Variants in GOLM2 observed in about 807,000 individuals in gnomAD.
GOLM2 encodes the protein protein GOLM2.
In GOLM2, 26 loss-of-function variants were observed where a neutral mutation model predicts 55.9. The ratio of observed to expected loss-of-function variants is 0.47; its 90% confidence interval spans 0.34 to 0.65. The LOEUF (loss-of-function observed/expected upper bound fraction) is 0.65. Ranked by LOEUF, GOLM2 falls within the 30% of genes least tolerant of loss-of-function variation. The pLI, the probability that GOLM2 is intolerant of heterozygous loss-of-function variation, is 0.01. For synonymous variants in GOLM2, 165 were observed against 194.6 expected, an observed-to-expected ratio of 0.85 and a Z score of 1.27; for missense variants, 486 against 531.8, an observed-to-expected ratio of 0.91 and a Z score of 0.85.
At chr15:44,341,736 G>A (rs985667096) in intron 6 of GOLM2, among the ~76,000 whole-genome samples, 2 of 128,806 alleles carry the variant, frequency 1.6e-5, no homozygotes, top group African/African-American at 6.0e-5. Context: ...TCACTCTGTC[G>A]TCCAGCCTGG....
intron 1 of GOLM2, among the ~76,000 whole-genome samples, chr15:44,303,799 G>A (rs1230596368): frequency 6.8e-6 from 1 of 146,946 alleles, no homozygotes; most frequent in Non-Finnish European, 1.5e-5. Context: ...GCAGTGGTGT[G>A]ATCTCAGCTC....
At position 44,359,574 on chromosome 15, in the gene GOLM2, C is replaced by T. The variant is rs373947417; in HGVS notation, c.803-20116C>T. Among the ~76,000 whole-genome samples, 375 of 152,178 alleles carry T rather than the reference C, an allele frequency of 2.5e-3. 3 individuals are homozygous for T. Among genetic ancestry groups the T allele is most frequent in the African/African-American group, 7.2e-3 (298 of 41,506 alleles). On this transcript the variant is annotated intron_variant, in intron 6 of 9. Coordinates refer to ENST00000299957, the MANE Select transcript of GOLM2 (RefSeq NM_138423.4). ...CTGCACTCCAGCCTGGGCAACAGAG[C>T]GAGACTCCGTCTCAAAAACAAACAA...
In GOLM2 at chr15:44,289,170, C is replaced by G; in HGVS notation, c.141C>G (p.Ala47=). 1.9e-6 allele frequency: 3 copies of G among 1,614,140 alleles called. No homozygotes were observed. In the African/African-American group the frequency reaches 4.0e-5, roughly 22 times the overall value. The part of the protein sequence containing the change: ...SRHVLLQEEV[A]ELQGQVQRTE... ...ACGTCCTGCTTCAGGAGGAGGTGGCCGAGCTGCAGGGCCAGGTCCAGCGCA... is the reference window on the plus strand; with the variant it reads ...ACGTCCTGCTTCAGGAGGAGGTGGCGGAGCTGCAGGGCCAGGTCCAGCGCA... Residue 47 remains alanine (A), a synonymous_variant, in exon 1 of 10, where the codon GCC becomes GCG. Coordinates refer to ENST00000299957, the MANE Select transcript of GOLM2 (RefSeq NM_138423.4). The surrounding 1 kb of genome is among the most constrained non-coding windows in gnomAD (Gnocchi z 4.8).
chr15:44,343,983 G>T (rs943018946), intron 6 of GOLM2, among the ~76,000 whole-genome samples: 2 of 151,834 alleles, frequency 1.3e-5, no homozygotes, highest in African/African-American at 4.8e-5. Context: ...GGGCACAGTG[G>T]CTCACGTCTG....
intron 6 of GOLM2, among the ~76,000 whole-genome samples, chr15:44,362,343 G>C: frequency 6.6e-6 from 1 of 151,972 alleles, no homozygotes; most frequent in African/African-American, 2.4e-5. Context: ...AACTTCAGCA[G>C]TCTCAGGATA....
At chr15:44,302,928 C>A (rs1326167946) in intron 1 of GOLM2, among the ~76,000 whole-genome samples, 2 of 152,046 alleles carry the variant, frequency 1.3e-5, no homozygotes, top group Non-Finnish European at 2.9e-5. Flanking sequence ...CATGGTGAAA[C>A]CCCGTCTCTA....
At chr15:44,408,954 C>T (rs2079616155) in intron 9 of GOLM2, among the ~76,000 whole-genome samples, 2 of 151,366 alleles carry the variant, frequency 1.3e-5, no homozygotes, top group South Asian at 4.2e-4. Context: ...CAGAGCGAGA[C>T]TACGTCTCAA....
intron 4 of GOLM2, 73 bp downstream of exon 4, chr15:44,332,151 A>ATC: frequency 1.2e-6 from 1 of 836,478 alleles, no homozygotes; most frequent in Non-Finnish European, 1.8e-6. Flanking sequence ...TTAAAATTAT[A>ATC]ATTTTGTCAC....
Position 44,289,861 on chromosome 15 carries a change from A to G in GOLM2, c.327+505A>G, listed in dbSNP as rs1360964678. 6.6e-6 allele frequency among the ~76,000 whole-genome samples: 1 copy of G among 152,220 alleles called. No individual in the cohort carries two copies. Among genetic ancestry groups the G allele is most frequent in the Non-Finnish European group, 1.5e-5 (1 of 68,040 alleles). Reference sequence around the variant, plus strand: ...AAAATCTCTATAGGGTGATGTATTGAATAACTAAATAATCAGCTATGACTG... The same window carrying G: ...AAAATCTCTATAGGGTGATGTATTGGATAACTAAATAATCAGCTATGACTG... On this transcript the variant is annotated intron_variant, in intron 1 of 9. Coordinates refer to ENST00000299957, the MANE Select transcript of GOLM2 (RefSeq NM_138423.4). This position sits in a 1 kb window ranked among gnomAD's most constrained non-coding sequence, Gnocchi z 4.8.
intron 6 of GOLM2, among the ~76,000 whole-genome samples, chr15:44,343,702 G>A (rs1026869649): frequency 8.6e-5 from 13 of 151,708 alleles, no homozygotes; most frequent in African/African-American, 3.2e-4. Context: ...GCACACACCT[G>A]TAATTCCAGC....
intron 6 of GOLM2, among the ~76,000 whole-genome samples, chr15:44,354,151 A>T (rs1185879577): frequency 6.6e-6 from 1 of 152,120 alleles, no homozygotes; most frequent in Non-Finnish European, 1.5e-5. Context: ...TGTAATTGAC[A>T]TCTATTAACC....
chr15:44,291,045 C>T (rs1335954743), intron 1 of GOLM2, among the ~76,000 whole-genome samples: 2 of 150,726 alleles, frequency 1.3e-5, no homozygotes, highest in Admixed American at 1.3e-4. Flanking sequence ...TCAGGTGATC[C>T]GCCCGCCTCA....
At chr15:44,348,837 G>A in intron 6 of GOLM2, 1 of 155,502 alleles carries the variant, frequency 6.4e-6, no homozygotes, top group Non-Finnish European at 1.4e-5. Context: ...GGAGATTGAG[G>A]CTGCAGTGAG....
intron 5 of GOLM2, 33 bp from the exon 6 acceptor site, chr15:44,338,204 C>T (rs767414900): frequency 7.0e-6 from 11 of 1,570,536 alleles, no homozygotes; most frequent in East Asian, 2.2e-5. Flanking sequence ...GTAAGAAAAA[C>T]GATAGAATTC....
rs1036918475 is a variant in GOLM2, at chr15:44,288,928, C to A, written c.-102C>A. 25 of 1,126,148 alleles carry A rather than the reference C, an allele frequency of 2.2e-5. No homozygotes were observed. Among genetic ancestry groups the A allele is most frequent in the Non-Finnish European group, 2.6e-5 (21 of 801,672 alleles). 69.8% of individuals were successfully genotyped at this position (1,126,148 alleles called of 1,614,324 possible). ...CGGTAAGCCCGCCTCCTCCCTCGGCCGGCCCTGGGGCCGTGTCCGCCGGGC... is the reference window on the plus strand; with the variant it reads ...CGGTAAGCCCGCCTCCTCCCTCGGCAGGCCCTGGGGCCGTGTCCGCCGGGC... On this transcript the variant is annotated 5_prime_UTR_variant, in exon 1 of 10. Transcript: ENST00000299957.
At chr15:44,338,157 C>T in intron 5 of GOLM2, 80 bp from the exon 6 acceptor site, 1 of 1,360,254 alleles carries the variant, frequency 7.4e-7, no homozygotes, top group Non-Finnish European at 1.0e-6. Flanking sequence ...CTTTTAGAAA[C>T]TGATTGTTAC....
In GOLM2 at chr15:44,413,561, T is replaced by C; in HGVS notation, c.*155T>C. The C allele has an allele frequency of 1.8e-6, 1 of 546,424 alleles. No individual in the cohort carries two copies. The highest frequency in any genetic ancestry group is 3.3e-6 in the Non-Finnish European group (1 of 306,264). 33.8% of individuals were successfully genotyped at this position (546,424 alleles called of 1,614,324 possible). A position where few individuals can be genotyped will look rare whatever the true frequency, so the allele number is the denominator to read the frequency against. On this transcript the variant is annotated 3_prime_UTR_variant, in exon 10 of 10. Transcript: ENST00000299957. ...AAACTTTAATGAAGGAATGTACCCATGTACATATGTGAACTTTTTCATATT... is the reference window on the plus strand; with the variant it reads ...AAACTTTAATGAAGGAATGTACCCACGTACATATGTGAACTTTTTCATATT...
chr15:44,374,677 A>T (rs1287480431), intron 6 of GOLM2, among the ~76,000 whole-genome samples: 1 of 152,144 alleles, frequency 6.6e-6, no homozygotes, highest in Non-Finnish European at 1.5e-5. Context: ...GAGAAGGAGG[A>T]AGAAAGCAAA....
At chr15:44,320,237 A>G (rs1192525764) in intron 1 of GOLM2, among the ~76,000 whole-genome samples, 2 of 152,228 alleles carry the variant, frequency 1.3e-5, no homozygotes, top group East Asian at 3.9e-4. Flanking sequence ...AAGCTCATCC[A>G]TATTTTATCA....
Sources: allele counts gnomAD v4.1 joint callset (sites outside exome capture counted in the v4.1 genomes callset), GRCh38; gene constraint gnomAD v4.1.1; non-coding constraint Gnocchi (gnomAD v3.1); transcripts MANE v1.5; gene names NCBI Gene and HGNC (gene_info 2026-07-23, HGNC 2026-07-21).